Variants in FBXL7 observed in about 807,000 individuals in gnomAD.
The protein encoded by FBXL7 is F-box and leucine rich repeat protein 7, also known as F-box/LRR-repeat protein 7.
Under a neutral mutation model 38.3 loss-of-function variants are expected in FBXL7, and 12 were observed. That is an observed-to-expected ratio of 0.31 (90% CI 0.20 to 0.51). The LOEUF (loss-of-function observed/expected upper bound fraction) is 0.51. Among genes scored for constraint, FBXL7 ranks in the 20% least tolerant of loss-of-function variants. The pLI is 0.98. For synonymous variants in FBXL7, 297 were observed against 300.9 expected, an observed-to-expected ratio of 0.99 and a Z score of 0.13; for missense variants, 567 against 676.4, an observed-to-expected ratio of 0.84 and a Z score of 1.79.
chr5:15,576,359 C>T (rs146875309), intron 1 of FBXL7, among the ~76,000 whole-genome samples: 9 of 152,148 alleles, frequency 5.9e-5, no homozygotes, highest in East Asian at 1.9e-4. Flanking sequence ...GCTGGGATTA[C>T]GGGCATGAGC....
At chr5:15,589,309 G>C (rs1739401070) in intron 1 of FBXL7, among the ~76,000 whole-genome samples, 1 of 152,084 alleles carries the variant, frequency 6.6e-6, no homozygotes, top group African/African-American at 2.4e-5. Context: ...ACTTGTGGGG[G>C]ATGATTGAAT....
intron 2 of FBXL7, among the ~76,000 whole-genome samples, chr5:15,751,154 A>G (rs1170866479): frequency 6.6e-6 from 1 of 152,224 alleles, no homozygotes; most frequent in Admixed American, 6.5e-5. Flanking sequence ...CATGATGTTC[A>G]GTGAAGCTAG....
At chr5:15,554,142 G>A (rs991458110) in intron 1 of FBXL7, among the ~76,000 whole-genome samples, 3 of 152,138 alleles carry the variant, frequency 2.0e-5, no homozygotes, top group African/African-American at 7.2e-5. Flanking sequence ...CTGCCCTGAG[G>A]GGGCCAGAGC....
At chr5:15,895,341 A>T (rs1741064263) in intron 2 of FBXL7, among the ~76,000 whole-genome samples, 1 of 152,176 alleles carries the variant, frequency 6.6e-6, no homozygotes, top group Admixed American at 6.5e-5. Flanking sequence ...AAGCTATTTA[A>T]ACTTTTTTTA....
At chr5:15,898,597 G>A (rs531721135) in intron 2 of FBXL7, among the ~76,000 whole-genome samples, 1 of 152,342 alleles carries the variant, frequency 6.6e-6, no homozygotes, top group Non-Finnish European at 1.5e-5. Context: ...GCATAGAAAT[G>A]TGAAAAGTGC....
At chr5:15,720,059 G>A (rs1387943502) in intron 2 of FBXL7, among the ~76,000 whole-genome samples, 1 of 149,134 alleles carries the variant, frequency 6.7e-6, no homozygotes, top group Admixed American at 6.8e-5. Context: ...TCATTCAAAG[G>A]AATGGCCACA....
At chr5:15,811,669 T>C (rs1299017002) in intron 2 of FBXL7, among the ~76,000 whole-genome samples, 3 of 151,914 alleles carry the variant, frequency 2.0e-5, no homozygotes, top group African/African-American at 7.2e-5. Context: ...CATCGAAAAG[T>C]GGGCAAAGGA....
intron 2 of FBXL7, among the ~76,000 whole-genome samples, chr5:15,660,476 C>A (rs898769436): frequency 1.1e-4 from 17 of 152,182 alleles, no homozygotes; most frequent in Non-Finnish European, 2.1e-4. Flanking sequence ...GCTGGCTCAG[C>A]CTCCCAAGTA....
chr5:15,748,014 T>G (rs1736058702), intron 2 of FBXL7, among the ~76,000 whole-genome samples: 1 of 152,080 alleles, frequency 6.6e-6, no homozygotes, highest in Non-Finnish European at 1.5e-5. Context: ...ATTCCAGTGG[T>G]TCTCAATCAG....
intron 2 of FBXL7, among the ~76,000 whole-genome samples, chr5:15,826,968 G>C (rs575362556): frequency 1.3e-5 from 2 of 151,276 alleles, no homozygotes; most frequent in Non-Finnish European, 2.9e-5. Context: ...GATGGATCTA[G>C]CTACCTAATG....
chr5:15,577,694 G>C (rs902094160), intron 1 of FBXL7, among the ~76,000 whole-genome samples: 3 of 151,432 alleles, frequency 2.0e-5, no homozygotes, highest in Non-Finnish European at 2.9e-5. Flanking sequence ...TCAAATTTGT[G>C]TTCTAAAGTT....
intron 1 of FBXL7, among the ~76,000 whole-genome samples, chr5:15,566,514 G>A (rs975846293): frequency 2.0e-5 from 3 of 152,138 alleles, no homozygotes; most frequent in African/African-American, 7.2e-5. Context: ...TGAGCTAGGC[G>A]TGATTGCAGG....
chr5:15,532,660 T>C (rs1689914157), intron 1 of FBXL7, among the ~76,000 whole-genome samples: 1 of 152,262 alleles, frequency 6.6e-6, no homozygotes, highest in Non-Finnish European at 1.5e-5. Flanking sequence ...ACTCTGTTTC[T>C]AGCATCATCC....
chr5:15,512,772 G>GACCT (rs1185160280), intron 1 of FBXL7, among the ~76,000 whole-genome samples: 1 of 152,142 alleles, frequency 6.6e-6, no homozygotes, highest in Non-Finnish European at 1.5e-5. Context: ...TATTTTCAAT[G>GACCT]ATTAGTATTG....
At chr5:15,901,207 C>G (rs571236181) in intron 2 of FBXL7, among the ~76,000 whole-genome samples, 2 of 152,216 alleles carry the variant, frequency 1.3e-5, no homozygotes, top group African/African-American at 4.8e-5. Context: ...AAATGTATTT[C>G]TCACAGCTGG....
intron 1 of FBXL7, among the ~76,000 whole-genome samples, chr5:15,547,477 G>A (rs1002638594): frequency 6.6e-6 from 1 of 152,198 alleles, no homozygotes; most frequent in African/African-American, 2.4e-5. Flanking sequence ...AGTCTGGTGA[G>A]ACAGGACACC....
chr5:15,500,643 T>G lies in FBXL7; in HGVS notation c.-34T>G. On this transcript the variant is annotated 5_prime_UTR_variant, in exon 1 of 4. Transcript: ENST00000504595. ...CAGGACGTGCGCCGCAGCTATGGAG[T>G]GTCCCGGGAGACGGCGGGCATGACG... 1 of 1,612,854 alleles carries G rather than the reference T, an allele frequency of 6.2e-7. No individual in the cohort carries two copies. The highest frequency in any genetic ancestry group is 8.5e-7 in the Non-Finnish European group (1 of 1,179,314).
chr5:15,651,918 C>A (rs1741720867), intron 2 of FBXL7, among the ~76,000 whole-genome samples: 1 of 152,238 alleles, frequency 6.6e-6, no homozygotes, highest in Non-Finnish European at 1.5e-5. Flanking sequence ...CCATCTTCAT[C>A]ATTGGTCTTA....
intron 1 of FBXL7, among the ~76,000 whole-genome samples, chr5:15,504,049 TG>T (rs1392432576): frequency 6.6e-6 from 1 of 152,226 alleles, no homozygotes; most frequent in Non-Finnish European, 1.5e-5. Context: ...CCGCATCACC[TG>T]GGAGCTTGTC....
Sources: allele counts gnomAD v4.1 joint callset (sites outside exome capture counted in the v4.1 genomes callset), GRCh38; gene constraint gnomAD v4.1.1; transcripts MANE v1.5; gene names NCBI Gene and HGNC (gene_info 2026-07-23, HGNC 2026-07-21).